Variants in SETD5 observed in about 807,000 individuals in gnomAD.
SETD5 encodes the protein SET domain containing 5, also known as histone-lysine N-methyltransferase SETD5.
SETD5 carries 44 observed loss-of-function variants against 153.3 expected under a neutral mutation model. The ratio of observed to expected loss-of-function variants is 0.29; its 90% CI spans 0.23 to 0.37. SETD5 has a LOEUF of 0.37. Among genes scored for constraint, SETD5 ranks in the 10% least tolerant of loss-of-function variants. The probability of loss-of-function intolerance (pLI) is 1.00; values close to 1 mark genes in which losing one functional copy is unlikely to be tolerated. For synonymous variants in SETD5, 716 were observed against 645.2 expected, an observed-to-expected ratio of 1.11 and a Z score of -1.66; for missense variants, 1,544 against 1,768.0, an observed-to-expected ratio of 0.87 and a Z score of 2.27.
At chr3:9,407,603 A>C (rs979686934) in intron 1 of SETD5, among the ~76,000 whole-genome samples, 7 of 152,122 alleles carry the variant, frequency 4.6e-5, no homozygotes, top group Non-Finnish European at 1.0e-4. Flanking sequence ...TTTATAGTAC[A>C]CCTCATTTTT....
At chr3:9,451,104 A>T (rs1252576595) in intron 16 of SETD5, among the ~76,000 whole-genome samples, 1 of 152,172 alleles carries the variant, frequency 6.6e-6, no homozygotes, top group Non-Finnish European at 1.5e-5. Context: ...TCTAAACACA[A>T]TGTGTATAGG....
At position 9,476,043 on chromosome 3, in the gene SETD5, C is replaced by G. The variant is rs1311892933; in HGVS notation, c.4281C>G (p.Leu1427=). The G allele has an allele frequency of 1.2e-6, 2 of 1,613,852 alleles. No individual in the cohort carries two copies. Among genetic ancestry groups the G allele is most frequent in the East Asian group, 2.2e-5 (1 of 44,888 alleles). The change falls in exon 23 of 23, where the codon CTC becomes CTG. Residue 1427 remains leucine, a synonymous_variant. Transcript: ENST00000402198. Reference sequence around the variant, plus strand: ...GTGGGGGTGTGCACCAGTACCGACTCCAGCCACTGCAAGGGTCAGGAGTCA... The same window carrying G: ...GTGGGGGTGTGCACCAGTACCGACTGCAGCCACTGCAAGGGTCAGGAGTCA... The part of the protein sequence containing the change: ...RGSGGVHQYR[L]QPLQGSGVKT...
intron 16 of SETD5, among the ~76,000 whole-genome samples, chr3:9,453,464 G>A (rs138110845): frequency 1.3e-5 from 2 of 152,090 alleles, no homozygotes; most frequent in Non-Finnish European, 2.9e-5. Context: ...CATCCCAAAT[G>A]GTATGAAAAG....
chr3:9,447,777 G>A lies in SETD5; in HGVS notation c.1874G>A (p.Ser625Asn), dbSNP rs1237527605. The change falls in exon 15 of 23, where the codon AGT (serine) becomes AAT (asparagine). Residue 625 changes from serine (S) to asparagine (N), a missense_variant. By Grantham distance (46) the Ser-to-Asn change is conservative. Around this residue, in one of 9 missense-constraint regions of SETD5, gnomAD observed 782 missense variants for 787.2 expected, o/e 0.99. Coordinates refer to ENST00000402198, the MANE Select transcript of SETD5 (RefSeq NM_001080517.3). ...AGTCGAATTTCTCGGTACAGGACCA[G>A]TTCAGCCCAAAGACTAAAGCGTCAG... Reference protein sequence around the residue: ...PKSRISRYRTSSAQRLKRQKQ... With the variant: ...PKSRISRYRTNSAQRLKRQKQ... The A allele has an allele frequency of 1.2e-6, 2 of 1,613,900 alleles. No individual in the cohort carries two copies. Among genetic ancestry groups the A allele is most frequent in the Non-Finnish European group, 1.7e-6 (2 of 1,179,896 alleles).
chr3:9,472,430 T>G (rs1452496322), intron 19 of SETD5, among the ~76,000 whole-genome samples: 1 of 150,924 alleles, frequency 6.6e-6, no homozygotes, highest in African/African-American at 2.4e-5. Context: ...CAGGGTGGGA[T>G]GGGAGGTCTG....
Position 9,475,173 on chromosome 3 carries a change from C to A in SETD5, c.3720+17C>A, listed in dbSNP as rs1375333955. 6.4e-7 allele frequency: 1 copy of A among 1,565,256 alleles called. No homozygotes were observed. Among genetic ancestry groups the A allele is most frequent in the Non-Finnish European group, 8.7e-7 (1 of 1,153,970 alleles). On this transcript the variant is annotated intron_variant, in intron 22 of 22. Coordinates refer to ENST00000402198, the MANE Select transcript of SETD5 (RefSeq NM_001080517.3). ...AGCTACCAGGTGAGATGAGAAATTG[C>A]TGGTCTCTAGCCATAGGAGTGTGTT...
At chr3:9,432,216 G>A (rs1006500896) in intron 3 of SETD5, 14 of 862,820 alleles carry the variant, frequency 1.6e-5, no homozygotes, top group Admixed American at 6.2e-5. Context: ...TAAAATGCAT[G>A]CACCTCACTA....
chr3:9,410,032 C>G (rs1313902007), intron 1 of SETD5, among the ~76,000 whole-genome samples: 1 of 152,154 alleles, frequency 6.6e-6, no homozygotes, highest in African/African-American at 2.4e-5. Context: ...ATAGTCATGC[C>G]TCACTTGATG....
intron 1 of SETD5, among the ~76,000 whole-genome samples, chr3:9,409,259 C>G (rs2036192017): frequency 6.6e-6 from 1 of 152,114 alleles, no homozygotes; most frequent in African/African-American, 2.4e-5. Context: ...GGAATACTCA[C>G]CCTTATTTTT....
chr3:9,453,680 A>C, intron 16 of SETD5, 59 bp from the exon 17 acceptor site: 1 of 1,472,272 alleles, frequency 6.8e-7, no homozygotes, highest in South Asian at 1.4e-5. Context: ...CATTTAAAAC[A>C]GGTGCACTAA....
At chr3:9,471,253 A>G (rs984879309) in intron 19 of SETD5, among the ~76,000 whole-genome samples, 29 of 152,258 alleles carry the variant, frequency 1.9e-4, no homozygotes, top group African/African-American at 6.5e-4. Context: ...TTATCCTCAC[A>G]GTAAGCCTAT....
chr3:9,472,548 T>A (rs2045417651), intron 19 of SETD5, among the ~76,000 whole-genome samples: 1 of 152,230 alleles, frequency 6.6e-6, no homozygotes, highest in Admixed American at 6.5e-5. Flanking sequence ...CTGGAAATAA[T>A]AATTTCCTCT....
chr3:9,403,045 A>C (rs1269767756), intron 1 of SETD5, among the ~76,000 whole-genome samples: 1 of 152,158 alleles, frequency 6.6e-6, no homozygotes, highest in Non-Finnish European at 1.5e-5. Flanking sequence ...TTTGCACAGC[A>C]GGGAGGCAAT....
chr3:9,455,175 T>TC (rs542007826), intron 17 of SETD5, among the ~76,000 whole-genome samples: 9 of 140,486 alleles, frequency 6.4e-5, no homozygotes, highest in African/African-American at 8.0e-5. Flanking sequence ...TTTCTTTTTT[T>TC]TTTTTTTTTT....
At chr3:9,444,914 A>T in intron 11 of SETD5, 134 bp from the exon 12 acceptor site, 1 of 1,189,364 alleles carries the variant, frequency 8.4e-7, no homozygotes, top group Non-Finnish European at 1.2e-6. Flanking sequence ...AGGACTCTCT[A>T]ATGTCTCTGT....
intron 1 of SETD5, among the ~76,000 whole-genome samples, chr3:9,407,844 T>C (rs1025833379): frequency 1.3e-5 from 2 of 151,562 alleles, no homozygotes; most frequent in African/African-American, 2.4e-5. Flanking sequence ...CTACTGAAAA[T>C]AGAAAATTAG....
intron 1 of SETD5, among the ~76,000 whole-genome samples, chr3:9,418,293 A>G (rs2037848258): frequency 6.6e-6 from 1 of 152,226 alleles, no homozygotes; most frequent in Non-Finnish European, 1.5e-5. Flanking sequence ...TCAGACCTCT[A>G]CAGATGCCAG....
At chr3:9,464,751 T>C in intron 18 of SETD5, 79 bp downstream of exon 18, 2 of 1,595,708 alleles carry the variant, frequency 1.3e-6, no homozygotes, top group South Asian at 2.2e-5. Flanking sequence ...ATAATACCAT[T>C]CCAAATGTTT....
At chr3:9,408,928 A>G (rs868532044) in intron 1 of SETD5, among the ~76,000 whole-genome samples, 7 of 152,280 alleles carry the variant, frequency 4.6e-5, no homozygotes, top group African/African-American at 1.7e-4. Flanking sequence ...TGATTTTTTA[A>G]TAAAAATAAC....
Sources: allele counts gnomAD v4.1 joint callset (sites outside exome capture counted in the v4.1 genomes callset), GRCh38; gene constraint gnomAD v4.1.1; regional missense constraint gnomAD v4.1.1; transcripts MANE v1.5; gene names NCBI Gene and HGNC (gene_info 2026-07-23, HGNC 2026-07-21).